The following BABAM2 variants were observed in gnomAD, a reference collection of about 807,000 sequenced individuals.
BABAM2 encodes the protein BRISC and BRCA1 A complex member 2, also known as BRISC and BRCA1-A complex member 2.
A neutral mutation model predicts 54.7 loss-of-function variants in BABAM2; 31 were observed. The observed-to-expected ratio is 0.57, with a 90% CI of 0.43 to 0.77. The LOEUF is 0.77. Among genes scored for constraint, BABAM2 ranks in the 30% least tolerant of loss-of-function variants. BABAM2 has a pLI of 0.00. For missense variants in BABAM2, 364 were observed against 455.8 expected, an observed-to-expected ratio of 0.80 and a Z score of 1.83; for synonymous variants, 167 against 162.9, an observed-to-expected ratio of 1.03 and a Z score of -0.19.
chr2:28,115,526 G>T (rs923329200), intron 6 of BABAM2, among the ~76,000 whole-genome samples: 6 of 151,690 alleles, frequency 4.0e-5, no homozygotes, highest in Admixed American at 3.3e-4. Context: ...CTCGGGAGGC[G>T]GAGGCAGGAG....
chr2:28,021,214 G>A lies in BABAM2; in HGVS notation c.301-4012G>A, dbSNP rs148190918. ...GCCAGAAACAATTTGTGGAGCTGAA[G>A]CACTATCAGGATAATAAGTTGAAAG... is the stretch of plus-strand genomic sequence containing the variant. On this transcript the variant is annotated intron_variant, in intron 4 of 11. Coordinates refer to ENST00000379624, the MANE Select transcript of BABAM2 (RefSeq NM_199191.3). Among the ~76,000 whole-genome samples the A allele has an allele frequency of 2.1e-4, 32 of 152,286 alleles. 1 individual carries two copies. The highest frequency in any genetic ancestry group is 7.0e-4 in the African/African-American group (29 of 41,556).
chr2:27,992,748 TCTCTTTTG>T (rs1672868465), intron 4 of BABAM2, among the ~76,000 whole-genome samples: 1 of 152,174 alleles, frequency 6.6e-6, no homozygotes, highest in Admixed American at 6.5e-5. Context: ...TTGAACTTCT[TCTCTTTTG>T]CTCTTTTGCT....
At chr2:28,076,999 G>C (rs1251087686) in intron 6 of BABAM2, among the ~76,000 whole-genome samples, 1 of 152,044 alleles carries the variant, frequency 6.6e-6, no homozygotes, top group Non-Finnish European at 1.5e-5. Context: ...TGGCAGTAGG[G>C]GTAAATGACT....
chr2:28,224,841 G>A (rs1188163964), intron 7 of BABAM2, among the ~76,000 whole-genome samples: 2 of 127,672 alleles, frequency 1.6e-5, no homozygotes, highest in South Asian at 2.4e-4. Flanking sequence ...GTCCAAAAAC[G>A]GTAAATTGAC....
intron 10 of BABAM2, among the ~76,000 whole-genome samples, chr2:28,280,351 G>A (rs1343631101): frequency 6.6e-6 from 1 of 152,024 alleles, no homozygotes; most frequent in Non-Finnish European, 1.5e-5. Flanking sequence ...GAGCCACTGA[G>A]CCCAGCCTCA....
At chr2:27,947,353 A>G (rs959985304) in intron 3 of BABAM2, among the ~76,000 whole-genome samples, 3 of 152,202 alleles carry the variant, frequency 2.0e-5, no homozygotes, top group African/African-American at 7.2e-5. Flanking sequence ...CAGAATACAT[A>G]TCTTTAACTT....
At chr2:28,298,017 A>T (rs1482079103) in intron 10 of BABAM2, among the ~76,000 whole-genome samples, 4 of 152,206 alleles carry the variant, frequency 2.6e-5, no homozygotes, top group African/African-American at 9.6e-5. Context: ...GGAATGTCAG[A>T]TGGTTGCAGG....
At chr2:28,309,796 T>G in intron 11 of BABAM2, 1 of 368,440 alleles carries the variant, frequency 2.7e-6, no homozygotes, top group Non-Finnish European at 5.0e-6. Flanking sequence ...ACAAGAGAGA[T>G]GAGGGAGTTT....
chr2:28,056,023 T>C (rs2148629923), intron 6 of BABAM2, among the ~76,000 whole-genome samples: 1 of 152,242 alleles, frequency 6.6e-6, no homozygotes. Context: ...CTCGCTTGTA[T>C]GTAGAATCTT....
At chr2:28,104,227 A>G (rs1667315063) in intron 6 of BABAM2, among the ~76,000 whole-genome samples, 1 of 152,254 alleles carries the variant, frequency 6.6e-6, no homozygotes, top group South Asian at 2.1e-4. Context: ...CTGCACAGCA[A>G]AAGAAACTAC....
chr2:28,317,634 T>C (rs1248873757), intron 11 of BABAM2, among the ~76,000 whole-genome samples: 2 of 152,240 alleles, frequency 1.3e-5, no homozygotes, highest in African/African-American at 4.8e-5. Context: ...AAAACTTGTT[T>C]TGAAAATGCT....
At chr2:28,334,357 G>A (rs552886130) in intron 11 of BABAM2, among the ~76,000 whole-genome samples, 162 of 152,362 alleles carry the variant, frequency 1.1e-3, no homozygotes, top group African/African-American at 3.5e-3. Context: ...CCCCGGACCC[G>A]ACCCCTGCCC....
intron 7 of BABAM2, among the ~76,000 whole-genome samples, chr2:28,181,219 G>A (rs1417999877): frequency 1.3e-5 from 2 of 152,152 alleles, no homozygotes; most frequent in Non-Finnish European, 2.9e-5. Flanking sequence ...CAAAGATATA[G>A]AATCAACCTA....
chr2:28,186,490 G>A (rs767249061), intron 7 of BABAM2, among the ~76,000 whole-genome samples: 6 of 152,174 alleles, frequency 3.9e-5, no homozygotes, highest in Middle Eastern at 3.2e-3. Context: ...AGAAGGCTGG[G>A]TGTGGTGGCT....
chr2:28,315,149 A>G (rs1689421337), intron 11 of BABAM2, among the ~76,000 whole-genome samples: 1 of 150,186 alleles, frequency 6.7e-6, no homozygotes, highest in Non-Finnish European at 1.5e-5. Flanking sequence ...AGGGGAGGAG[A>G]TATGCAGGGT....
At chr2:28,082,649 T>G (rs554102763) in intron 6 of BABAM2, among the ~76,000 whole-genome samples, 4 of 152,212 alleles carry the variant, frequency 2.6e-5, no homozygotes, top group Non-Finnish European at 4.4e-5. Flanking sequence ...ATTGGATGGT[T>G]GCTATTTTCA....
intron 2 of BABAM2, among the ~76,000 whole-genome samples, chr2:27,922,989 T>A (rs1667443792): frequency 6.6e-6 from 1 of 152,204 alleles, no homozygotes; most frequent in Non-Finnish European, 1.5e-5. Flanking sequence ...GAAATGGCTT[T>A]CTAGATGAGT....
chr2:28,254,528 A>T (rs911709429), intron 10 of BABAM2, among the ~76,000 whole-genome samples: 2 of 151,872 alleles, frequency 1.3e-5, no homozygotes, highest in Admixed American at 1.3e-4. Flanking sequence ...AAAAAAAAAA[A>T]TTATTGTAGA....
rs74818834 is a variant in BABAM2, at chr2:28,292,267, C to T, written c.935-6071C>T. Among the ~76,000 whole-genome samples, 202 of 152,120 alleles carry T rather than the reference C, an allele frequency of 1.3e-3. 5 individuals are homozygous for T. In the East Asian group the frequency reaches 0.025, roughly 19 times the overall value. The stretch of plus-strand genomic sequence containing the variant: ...TCCCAGGGAAGCAATTATGGTTAAC[C>T]CCTCATTTGTTTGGCATTTTCAAGG... On this transcript the variant is annotated intron_variant, in intron 10 of 11. Transcript: ENST00000379624.
Sources: allele counts gnomAD v4.1 joint callset (sites outside exome capture counted in the v4.1 genomes callset), GRCh38; gene constraint gnomAD v4.1.1; transcripts MANE v1.5; gene names NCBI Gene and HGNC (gene_info 2026-07-23, HGNC 2026-07-21).